Variants in DPP10 observed in about 807,000 individuals in gnomAD.
DPP10 encodes dipeptidyl peptidase like 10.
A neutral mutation model predicts 120.9 loss-of-function variants in DPP10; 33 were observed. The ratio of observed to expected loss-of-function variants is 0.27; its 90% CI spans 0.21 to 0.37. The LOEUF (loss-of-function observed/expected upper bound fraction) is 0.37, where lower values mean the gene tolerates loss of function less well. Among genes scored for constraint, DPP10 ranks in the 10% least tolerant of loss-of-function variants. The probability of loss-of-function intolerance (pLI) is 1.00; values close to 1 mark genes in which losing one functional copy is unlikely to be tolerated. For synonymous variants in DPP10, 337 were observed against 326.1 expected (o/e 1.03, Z -0.36); for missense variants, 816 against 942.8 (o/e 0.87, Z 1.76).
chr2:114,530,526 C>T (rs1045998790), intron 1 of DPP10, among the ~76,000 whole-genome samples: 1 of 152,040 alleles, frequency 6.6e-6, no homozygotes, highest in Non-Finnish European at 1.5e-5. Context: ...GGGGCTCATT[C>T]AAAAACATTT....
chr2:115,150,967 C>T (rs1276477233), intron 1 of DPP10, among the ~76,000 whole-genome samples: 3 of 151,946 alleles, frequency 2.0e-5, no homozygotes, highest in African/African-American at 4.8e-5. Context: ...AAATTACACA[C>T]TTTTTTTTAT....
chr2:115,701,482 T>C (rs1019491445), intron 7 of DPP10, among the ~76,000 whole-genome samples: 2 of 152,036 alleles, frequency 1.3e-5, no homozygotes, highest in Non-Finnish European at 2.9e-5. Flanking sequence ...TATAAAACTT[T>C]TAGAAGAAAA....
intron 5 of DPP10, among the ~76,000 whole-genome samples, chr2:115,603,863 C>A (rs1468334070): frequency 1.3e-5 from 2 of 152,050 alleles, no homozygotes; most frequent in African/African-American, 4.8e-5. Context: ...ATGTAGCAAT[C>A]TTTACAGACT....
At chr2:115,766,413 A>T (rs1364906834) in intron 12 of DPP10, among the ~76,000 whole-genome samples, 1 of 148,206 alleles carries the variant, frequency 6.7e-6, no homozygotes, top group Admixed American at 6.8e-5. Context: ...ACCTCAATTA[A>T]TTTTGCACCA....
chr2:115,348,453 G>T, intron 3 of DPP10, among the ~76,000 whole-genome samples: 2 of 151,328 alleles, frequency 1.3e-5, no homozygotes, highest in African/African-American at 2.4e-5. Context: ...GTTTTTTCTC[G>T]ATTTTTTTCA....
intron 1 of DPP10, among the ~76,000 whole-genome samples, chr2:115,041,983 A>C (rs1161073398): frequency 6.7e-6 from 1 of 149,970 alleles, no homozygotes; most frequent in Non-Finnish European, 1.5e-5. Flanking sequence ...TCCTTTTCTC[A>C]AATTAAACTG....
chr2:115,440,208 A>G (rs2071901449), intron 3 of DPP10, among the ~76,000 whole-genome samples: 1 of 152,006 alleles, frequency 6.6e-6, no homozygotes, highest in African/African-American at 2.4e-5. Context: ...TTATATGAAA[A>G]GTGAAGTTGA....
intron 3 of DPP10, among the ~76,000 whole-genome samples, chr2:115,401,612 A>G (rs2068080104): frequency 6.6e-6 from 1 of 152,136 alleles, no homozygotes; most frequent in Non-Finnish European, 1.5e-5. Flanking sequence ...AAATAGACGC[A>G]GGGCAGTATT....
At chr2:114,522,418 C>G (rs1163248056) in intron 1 of DPP10, among the ~76,000 whole-genome samples, 2 of 151,998 alleles carry the variant, frequency 1.3e-5, no homozygotes, top group East Asian at 1.9e-4. Flanking sequence ...AAGAACCTAA[C>G]CATAGAAGAT....
chr2:115,156,093 T>G (rs566897714), intron 1 of DPP10, among the ~76,000 whole-genome samples: 65 of 152,276 alleles, frequency 4.3e-4, no homozygotes, highest in Non-Finnish European at 4.7e-4. Context: ...GGATATACAC[T>G]AGCAAGCAAC....
intron 15 of DPP10, among the ~76,000 whole-genome samples, chr2:115,779,690 A>G (rs1016312873): frequency 5.9e-5 from 9 of 152,036 alleles, no homozygotes; most frequent in Admixed American, 5.9e-4. Flanking sequence ...AAATTGTACA[A>G]TGTTGTGAAT....
intron 5 of DPP10, among the ~76,000 whole-genome samples, chr2:115,580,656 A>G (rs929745288): frequency 2.0e-5 from 3 of 152,130 alleles, no homozygotes; most frequent in Non-Finnish European, 2.9e-5. Flanking sequence ...ATTAATCATG[A>G]TATTAATAAA....
intron 3 of DPP10, among the ~76,000 whole-genome samples, chr2:115,360,389 T>A (rs1041112640): frequency 7.2e-5 from 11 of 152,224 alleles, no homozygotes; most frequent in Non-Finnish European, 1.6e-4. Flanking sequence ...CTGTACAGGT[T>A]ATTTAATTAT....
chr2:115,309,486 C>A, intron 2 of DPP10, 133 bp downstream of exon 2: 2 of 706,016 alleles, frequency 2.8e-6, no homozygotes, highest in Non-Finnish European at 4.5e-6. Flanking sequence ...GGAAAAAAAG[C>A]ATAATCAGAC....
intron 1 of DPP10, among the ~76,000 whole-genome samples, chr2:115,281,267 A>G (rs1017635740): frequency 3.3e-5 from 5 of 152,194 alleles, no homozygotes; most frequent in African/African-American, 1.2e-4. Context: ...TTCAAAAACA[A>G]AAGTAAGCCT....
At chr2:114,873,249 C>T (rs996047227) in intron 1 of DPP10, among the ~76,000 whole-genome samples, 2 of 152,084 alleles carry the variant, frequency 1.3e-5, no homozygotes, top group Admixed American at 1.3e-4. Flanking sequence ...AAAGGTGGCA[C>T]ATGTTCCTCT....
intron 1 of DPP10, among the ~76,000 whole-genome samples, chr2:114,739,736 T>A (rs1677838479): frequency 6.6e-6 from 1 of 152,160 alleles, no homozygotes; most frequent in Non-Finnish European, 1.5e-5. Flanking sequence ...GGTGGCAACG[T>A]TTAGATTTTC....
chr2:115,590,116 CT>C (rs35289540), intron 5 of DPP10, among the ~76,000 whole-genome samples: 24,578 of 140,028 alleles, frequency 0.18, 3,913 homozygotes, highest in African/African-American at 0.42. Context: ...CTTTCCTTTT[CT>C]TTTTTTTTTT....
intron 11 of DPP10, among the ~76,000 whole-genome samples, chr2:115,758,853 G>C (rs1039350597): frequency 6.6e-6 from 1 of 152,062 alleles, no homozygotes; most frequent in Admixed American, 6.6e-5. Context: ...GAGAAAAATG[G>C]TGCTGAAAAA....
Sources: allele counts gnomAD v4.1 joint callset (sites outside exome capture counted in the v4.1 genomes callset), GRCh38; gene constraint gnomAD v4.1.1; transcripts MANE v1.5; gene names NCBI Gene and HGNC (gene_info 2026-07-23, HGNC 2026-07-21).